The following NCOA1 variants were observed in gnomAD, a reference collection of about 807,000 sequenced individuals.
NCOA1 encodes the protein nuclear receptor coactivator 1, also known as Hin-2 protein.
NCOA1 carries 35 observed loss-of-function variants against 150.9 expected under a neutral mutation model. The ratio of observed to expected loss-of-function variants is 0.23; its 90% CI spans 0.18 to 0.31. The LOEUF (loss-of-function observed/expected upper bound fraction) is 0.31. NCOA1 is among the 10% of genes least tolerant of loss of function. NCOA1 has a pLI of 1.00. For missense variants in NCOA1, 1,491 were observed against 1,749.3 expected (o/e 0.85, Z 2.63); for synonymous variants, 590 against 630.0 (o/e 0.94, Z 0.95).
intron 15 of NCOA1, 71 bp from the exon 16 acceptor site, chr2:24,728,237 A>G (rs925784850): frequency 2.2e-6 from 3 of 1,375,396 alleles, no homozygotes; most frequent in East Asian, 2.5e-5. Context: ...TTGCATCTAT[A>G]TATGTATATA....
intron 3 of NCOA1, among the ~76,000 whole-genome samples, chr2:24,629,960 C>T (rs901052928): frequency 1.3e-5 from 2 of 151,258 alleles, no homozygotes; most frequent in Non-Finnish European, 2.9e-5. Context: ...TCTCCTGCCT[C>T]AGCCTCCGGA....
At chr2:24,542,146 A>C (rs2148196648) in intron 1 of NCOA1, among the ~76,000 whole-genome samples, 1 of 152,338 alleles carries the variant, frequency 6.6e-6, no homozygotes, top group South Asian at 2.1e-4. Context: ...AGATGCAAGA[A>C]ATTTGGTATA....
At chr2:24,660,422 T>C (rs1671132006) in intron 5 of NCOA1, among the ~76,000 whole-genome samples, 1 of 152,080 alleles carries the variant, frequency 6.6e-6, no homozygotes, top group South Asian at 2.1e-4. Context: ...AATTGATTTG[T>C]CTGCAGTATT....
chr2:24,560,127 C>T (rs192159825), intron 1 of NCOA1, among the ~76,000 whole-genome samples: 1 of 152,300 alleles, frequency 6.6e-6, no homozygotes, highest in African/African-American at 2.4e-5. Context: ...CGTGGAAAAT[C>T]TTGCAACTGA....
At chr2:24,636,330 T>A (rs978862996) in intron 3 of NCOA1, among the ~76,000 whole-genome samples, 3 of 152,198 alleles carry the variant, frequency 2.0e-5, no homozygotes, top group African/African-American at 7.2e-5. Context: ...GTATTTTGTT[T>A]TTGATGCTAT....
chr2:24,750,406 A>G (rs1325819147), intron 19 of NCOA1, among the ~76,000 whole-genome samples: 2 of 152,238 alleles, frequency 1.3e-5, no homozygotes, highest in Non-Finnish European at 2.9e-5. Flanking sequence ...GATCACTGGA[A>G]CAGAATAAAA....
intron 3 of NCOA1, among the ~76,000 whole-genome samples, chr2:24,634,616 G>C (rs571077179): frequency 6.6e-6 from 1 of 151,370 alleles, no homozygotes; most frequent in Non-Finnish European, 1.5e-5. Context: ...ACTAGGAATT[G>C]GAAGCTTCAG....
At chr2:24,744,256 A>G (rs1416611741) in intron 19 of NCOA1, among the ~76,000 whole-genome samples, 1 of 152,190 alleles carries the variant, frequency 6.6e-6, no homozygotes, top group Non-Finnish European at 1.5e-5. Context: ...TATTTTCACA[A>G]AATAAGAATT....
chr2:24,642,812 G>A (rs1039888044), intron 3 of NCOA1, among the ~76,000 whole-genome samples: 1 of 152,182 alleles, frequency 6.6e-6, no homozygotes, highest in African/African-American at 2.4e-5. Flanking sequence ...ATTGATACGT[G>A]CACCAAACTG....
chr2:24,566,519 G>A (rs923026263), intron 2 of NCOA1, among the ~76,000 whole-genome samples: 3 of 152,222 alleles, frequency 2.0e-5, no homozygotes, highest in Non-Finnish European at 4.4e-5. Flanking sequence ...GGGCTGAAGT[G>A]CATGCTGATT....
intron 20 of NCOA1, among the ~76,000 whole-genome samples, chr2:24,754,791 C>T (rs1664420314): frequency 6.6e-6 from 1 of 152,200 alleles, no homozygotes; most frequent in South Asian, 2.1e-4. Flanking sequence ...TTTCTCCATA[C>T]TCTGGAACAG....
At position 24,491,358 on chromosome 2, in the gene NCOA1, T is replaced by G. The variant is rs1662944621; in HGVS notation, c.-640T>G. 6.8e-6 allele frequency among the ~76,000 whole-genome samples: 1 copy of G among 147,792 alleles called. No individual in the cohort carries two copies. Among genetic ancestry groups the G allele is most frequent in the South Asian group, 2.1e-4 (1 of 4,820 alleles). On this transcript the variant is annotated 5_prime_UTR_variant, in exon 1 of 23. Transcript: ENST00000348332. ...GGGAGTCTGACGCGATTTGCTGAGC[T>G]CTGTCCTCCGACGGCTGCCTCGCGG...
rs1553426819 is a variant in NCOA1, at chr2:24,548,008, A to AAAT, written c.-395-16287_-395-16286insAAT. ...TGTCTCAAAAAAAAAAAAAAAAAAA[A>AAAT]GGATGAGGGAATTCTATAAGGAATG... On this transcript the variant is annotated intron_variant, in intron 1 of 22. Transcript: ENST00000348332. 4.8e-3 allele frequency among the ~76,000 whole-genome samples: 717 copies of AAAT among 150,154 alleles called. 3 individuals carry two copies. The highest frequency in any genetic ancestry group is 0.017 in the African/African-American group (683 of 40,810).
At chr2:24,712,293 A>G (rs1460402329) in intron 14 of NCOA1, among the ~76,000 whole-genome samples, 1 of 152,240 alleles carries the variant, frequency 6.6e-6, no homozygotes, top group Non-Finnish European at 1.5e-5. Flanking sequence ...TTGAGGAAAC[A>G]GTAAGATGCA....
intron 19 of NCOA1, among the ~76,000 whole-genome samples, chr2:24,743,806 G>A (rs955718971): frequency 3.3e-5 from 5 of 152,114 alleles, no homozygotes; most frequent in Non-Finnish European, 5.9e-5. Flanking sequence ...TAAATCAAAA[G>A]ATTTATCTCA....
Position 24,706,660 on chromosome 2 carries a change from C to G in NCOA1, c.1190C>G (p.Ala397Gly). The change falls in exon 13 of 23, where the codon GCT becomes GGT. Residue 397 changes from alanine (A) to glycine (G), a missense_variant. Physicochemically the swap from Ala to Gly is moderately conservative, Grantham distance 60. Coordinates refer to ENST00000348332, the MANE Select transcript of NCOA1 (RefSeq NM_003743.5). ...NPSVNPSISP[A>G]HGVARSSTLP... Reference sequence around the variant, plus strand: ...TCGGTCAATCCTAGTATCTCTCCAGCTCATGGTGTGGCTCGTTCATCCACA... The same window carrying G: ...TCGGTCAATCCTAGTATCTCTCCAGGTCATGGTGTGGCTCGTTCATCCACA... 1 of 1,614,238 alleles carries G rather than the reference C, an allele frequency of 6.2e-7. No homozygotes were observed. Among genetic ancestry groups the G allele is most frequent in the Non-Finnish European group, 8.5e-7 (1 of 1,180,040 alleles).
At chr2:24,736,830 C>T (rs908646448) in intron 17 of NCOA1, among the ~76,000 whole-genome samples, 2 of 152,136 alleles carry the variant, frequency 1.3e-5, no homozygotes, top group Non-Finnish European at 2.9e-5. Flanking sequence ...AAAATGTCTT[C>T]AGATATTGCC....
intron 1 of NCOA1, among the ~76,000 whole-genome samples, chr2:24,542,192 C>A (rs918774787): frequency 5.3e-5 from 8 of 152,024 alleles, no homozygotes; most frequent in African/African-American, 1.9e-4. Context: ...AGAGATGATG[C>A]ATAAGTAGTC....
intron 1 of NCOA1, among the ~76,000 whole-genome samples, chr2:24,555,601 C>G (rs1004750231): frequency 5.9e-5 from 9 of 152,160 alleles, no homozygotes; most frequent in African/African-American, 2.2e-4. Context: ...CTTTACAGTC[C>G]TATCAGTTTT....
Sources: gnomAD v4.1 joint callset for allele counts (sites outside exome capture counted in the v4.1 genomes callset) on GRCh38, gnomAD v4.1.1 for gene constraint, MANE v1.5 for transcripts, NCBI Gene and HGNC (gene_info 2026-07-23, HGNC 2026-07-21) for gene names.